The following FBXL20 variants were observed in gnomAD, a reference collection of about 807,000 sequenced individuals.
The protein encoded by FBXL20 is F-box/LRR-repeat protein 20.
In FBXL20, 11 loss-of-function variants were observed where a neutral mutation model predicts 64.0. That is an observed-to-expected ratio of 0.17 (90% CI 0.11 to 0.28). FBXL20 has a LOEUF of 0.28. Ranked by LOEUF, FBXL20 falls within the 10% of genes least tolerant of loss-of-function variation. The pLI is 1.00. For missense variants in FBXL20, 303 were observed against 526.2 expected (o/e 0.58, Z 4.15); for synonymous variants, 184 against 189.0 (o/e 0.97, Z 0.22).
intron 2 of FBXL20, among the ~76,000 whole-genome samples, chr17:39,313,661 G>A (rs2047257753): frequency 6.7e-6 from 1 of 150,194 alleles, no homozygotes; most frequent in Non-Finnish European, 1.5e-5. Context: ...TTGAGACGGA[G>A]TTTTGCTCTT....
chr17:39,338,024 C>T (rs559962844), intron 2 of FBXL20, among the ~76,000 whole-genome samples: 78 of 152,296 alleles, frequency 5.1e-4, no homozygotes, highest in African/African-American at 1.8e-3. Context: ...GCCACCACCC[C>T]GTCTGGGAGC....
At position 39,401,295 on chromosome 17, in the gene FBXL20, G is replaced by T. The variant is rs572725188; in HGVS notation, c.42+66C>A. 1.1e-4 allele frequency: 173 copies of T among 1,610,268 alleles called. 2 individuals are homozygous for T. In the East Asian group the frequency reaches 1.1e-3, roughly 11 times the overall value. On this transcript the variant is annotated intron_variant, in intron 1 of 14. Transcript: ENST00000264658. ...CCAGGGAGGAGGCTCCGTGCGGAGC[G>T]GACGTTTTGGGATTAGAGCGCGCGA...
At chr17:39,390,946 C>T (rs2048127914) in intron 1 of FBXL20, among the ~76,000 whole-genome samples, 2 of 152,154 alleles carry the variant, frequency 1.3e-5, no homozygotes, top group South Asian at 2.1e-4. Context: ...ACTTGGGAAG[C>T]TGAGGCAGAG....
chr17:39,338,510 G>C (rs537421616), intron 2 of FBXL20, among the ~76,000 whole-genome samples: 3 of 149,998 alleles, frequency 2.0e-5, no homozygotes, highest in South Asian at 2.1e-4. Flanking sequence ...CCCCCTCTGC[G>C]AGAAACACCA....
intron 1 of FBXL20, among the ~76,000 whole-genome samples, chr17:39,349,107 C>T (rs1472736183): frequency 3.3e-5 from 5 of 151,790 alleles, no homozygotes; most frequent in Admixed American, 2.0e-4. Flanking sequence ...CACAAATTAG[C>T]CAGGCATGGT....
chr17:39,342,445 G>A (rs190445670), intron 2 of FBXL20, among the ~76,000 whole-genome samples: 4 of 151,762 alleles, frequency 2.6e-5, no homozygotes, highest in Admixed American at 2.6e-4. Flanking sequence ...GCTGGGCACC[G>A]TGGCTCACGC....
Position 39,261,551 on chromosome 17 carries a change from A to G in FBXL20, c.1220T>C (p.Ile407Thr). Residue 407 changes from isoleucine (I) to threonine (T), a missense_variant, in exon 15 of 15, where the codon ATT (isoleucine) becomes ACT (threonine). By Grantham distance (89) the Ile-to-Thr change is moderately conservative (BLOSUM62 -1). Around this residue, in one of 3 missense-constraint regions of FBXL20, gnomAD observed 56 missense variants for 86.0 expected, o/e 0.65. Transcript: ENST00000264658. ...AGGTGCGAAGTAGGCGTGGACTTTA[A>G]TATTGGGTAAATGGGTCTGAAACAA... The part of the protein sequence containing the change: ...IKRLRTHLPN[I>T]KVHAYFAPVT... 1 of 1,613,324 alleles carries G rather than the reference A, an allele frequency of 6.2e-7. No homozygotes were observed. Among genetic ancestry groups the G allele is most frequent in the Non-Finnish European group, 8.5e-7 (1 of 1,179,400 alleles).
rs865976251 is a variant in FBXL20, at chr17:39,338,065, T to G, written c.104+5115A>C. On this transcript the variant is annotated intron_variant, in intron 2 of 14. Transcript: ENST00000264658. ...CCAACAGCTCATTGAGAACGGGCCATGATGACAATGGCGCTTTTGTGGAAT... is the reference window on the plus strand; with the variant it reads ...CCAACAGCTCATTGAGAACGGGCCAGGATGACAATGGCGCTTTTGTGGAAT... 2.0e-5 allele frequency among the ~76,000 whole-genome samples: 3 copies of G among 152,266 alleles called. No homozygotes were observed. In the South Asian group the frequency reaches 6.2e-4, roughly 32 times the overall value.
chr17:39,301,502 C>T (rs1007956961), intron 3 of FBXL20, among the ~76,000 whole-genome samples: 1 of 150,786 alleles, frequency 6.6e-6, no homozygotes, highest in Non-Finnish European at 1.5e-5. Context: ...CCGAGGCAGG[C>T]GGATCACCTG....
chr17:39,337,018 G>T (rs893025516), intron 2 of FBXL20, among the ~76,000 whole-genome samples: 1 of 149,752 alleles, frequency 6.7e-6, no homozygotes, highest in African/African-American at 2.5e-5. Context: ...TCTTTCCACC[G>T]TCTCCCTCTG....
chr17:39,340,338 G>A (rs976343435), intron 2 of FBXL20, among the ~76,000 whole-genome samples: 2 of 151,770 alleles, frequency 1.3e-5, no homozygotes, highest in African/African-American at 4.8e-5. Flanking sequence ...CTTGGGATCC[G>A]CCCACCTCGG....
chr17:39,356,043 G>C (rs1264814194), intron 1 of FBXL20, among the ~76,000 whole-genome samples: 1 of 151,088 alleles, frequency 6.6e-6, no homozygotes, highest in Non-Finnish European at 1.5e-5. Flanking sequence ...GTGAAACCCT[G>C]TCTCTACTAA....
chr17:39,401,708 C>T (rs2048247213), upstream of FBXL20: 2 of 1,134,710 alleles, frequency 1.8e-6, no homozygotes, highest in Non-Finnish European at 2.2e-6. Context: ...CCGCCCGGGC[C>T]TCGGAGCGCC....
intron 1 of FBXL20, among the ~76,000 whole-genome samples, chr17:39,390,791 G>A (rs1244944241): frequency 6.6e-6 from 1 of 152,068 alleles, no homozygotes; most frequent in Non-Finnish European, 1.5e-5. Flanking sequence ...GCTCACGCCT[G>A]TAATCCTAGC....
chr17:39,347,659 CA>C (rs539173874), intron 1 of FBXL20, among the ~76,000 whole-genome samples: 30 of 152,172 alleles, frequency 2.0e-4, no homozygotes, highest in Non-Finnish European at 3.8e-4. Context: ...ACTCTGATGG[CA>C]GTTTCTTTTG....
At chr17:39,269,484 C>T (rs1303203004) in intron 11 of FBXL20, among the ~76,000 whole-genome samples, 3 of 150,994 alleles carry the variant, frequency 2.0e-5, no homozygotes, top group Admixed American at 1.3e-4. Context: ...TGAGCCATCG[C>T]GCCCGGCCTT....
At chr17:39,278,081 T>C (rs749635578) in intron 9 of FBXL20, among the ~76,000 whole-genome samples, 2 of 149,020 alleles carry the variant, frequency 1.3e-5, no homozygotes, top group Admixed American at 6.6e-5. Context: ...TGTGTGTATG[T>C]AATGTGTATG....
In FBXL20 at chr17:39,383,511, T is replaced by C. The variant is rs115666814; in HGVS notation, c.42+17850A>G. Among the ~76,000 whole-genome samples, 1,385 of 151,476 alleles carry C rather than the reference T, an allele frequency of 9.1e-3. 17 individuals are homozygous for C. The highest frequency in any genetic ancestry group is 0.032 in the African/African-American group (1,310 of 41,334). ...ATCACCAAGTCTGTAACTGTCCTTA[T>C]CTCTTGAAGTACAGAGTAGAATGAA... On this transcript the variant is annotated intron_variant, in intron 1 of 14. Coordinates refer to ENST00000264658, the MANE Select transcript of FBXL20 (RefSeq NM_032875.3).
intron 6 of FBXL20, among the ~76,000 whole-genome samples, chr17:39,288,018 C>T (rs2047004791): frequency 7.1e-6 from 1 of 141,330 alleles, no homozygotes. Flanking sequence ...GGCTGGAGTG[C>T]AGTGGCATGA....
Sources: gnomAD v4.1 joint callset for allele counts (sites outside exome capture counted in the v4.1 genomes callset) on GRCh38, gnomAD v4.1.1 for gene constraint, gnomAD v4.1.1 regional missense constraint, MANE v1.5 for transcripts, NCBI Gene and HGNC (gene_info 2026-07-23, HGNC 2026-07-21) for gene names.